Variants in NYAP2 observed in about 807,000 individuals in gnomAD.
The protein encoded by NYAP2 is neuronal tyrosine-phosphorylated phosphoinositide-3-kinase adaptor 2, also known as neuronal tyrosine-phosphorylated phosphoinositide-3-kinase adapter 2.
In NYAP2, 23 loss-of-function variants were observed where a neutral mutation model predicts 50.4. That is an observed-to-expected ratio of 0.46 (90% CI 0.33 to 0.65). The LOEUF is 0.65. Ranked by LOEUF, NYAP2 falls within the 30% of genes least tolerant of loss-of-function variation. NYAP2 has a pLI of 0.02. For missense variants in NYAP2, 885 were observed against 861.0 expected (o/e 1.03, Z -0.35); for synonymous variants, 394 against 365.2 (o/e 1.08, Z -0.90).
At chr2:225,552,696 G>T (rs1691699433) in intron 4 of NYAP2, among the ~76,000 whole-genome samples, 1 of 152,088 alleles carries the variant, frequency 6.6e-6, no homozygotes, top group Non-Finnish European at 1.5e-5. Flanking sequence ...TTGTTTGTTT[G>T]TTTTTGTTTT....
intron 3 of NYAP2, among the ~76,000 whole-genome samples, chr2:225,471,102 C>T (rs1690007011): frequency 6.6e-6 from 1 of 152,310 alleles, no homozygotes; most frequent in South Asian, 2.1e-4. Flanking sequence ...AGACAAACCT[C>T]CATTGTTTGT....
chr2:225,606,839 T>C (rs1476173732), intron 5 of NYAP2, among the ~76,000 whole-genome samples: 1 of 152,144 alleles, frequency 6.6e-6, no homozygotes, highest in Non-Finnish European at 1.5e-5. Context: ...CTTTATTCTG[T>C]ATATAACATT....
At chr2:225,497,269 C>T (rs1462280806) in intron 3 of NYAP2, among the ~76,000 whole-genome samples, 1 of 152,196 alleles carries the variant, frequency 6.6e-6, no homozygotes, top group Non-Finnish European at 1.5e-5. Context: ...CATTTGGGTA[C>T]ATTAAGCAGA....
In NYAP2 at chr2:225,643,444, T is replaced by A. The variant is rs180837555; in HGVS notation, c.1829-7988T>A. ...TCGGCTCCCTTATAATCTTTTTTTT[T>A]AATTTTATTATTATTATACTTTAAG... On this transcript the variant is annotated intron_variant, in intron 6 of 6. Coordinates refer to ENST00000636099, the Ensembl canonical transcript of NYAP2. 6.3e-4 allele frequency among the ~76,000 whole-genome samples: 96 copies of A among 152,254 alleles called. 1 individual carries two copies. The highest frequency in any genetic ancestry group is 1.9e-3 in the South Asian group (9 of 4,826).
chr2:225,624,767 T>A (rs564783845), intron 5 of NYAP2, among the ~76,000 whole-genome samples: 1 of 152,254 alleles, frequency 6.6e-6, no homozygotes, highest in South Asian at 2.1e-4. Context: ...TATTTTAAAC[T>A]GTAGAATATT....
intron 5 of NYAP2, among the ~76,000 whole-genome samples, chr2:225,600,374 G>T (rs1692672979): frequency 6.6e-6 from 1 of 152,110 alleles, no homozygotes; most frequent in Non-Finnish European, 1.5e-5. Context: ...ATTTGGGAAG[G>T]GTCAGAATCT....
intron 3 of NYAP2, among the ~76,000 whole-genome samples, chr2:225,465,992 C>T (rs1232664044): frequency 6.6e-6 from 1 of 152,128 alleles, no homozygotes; most frequent in Non-Finnish European, 1.5e-5. Flanking sequence ...TATTAAGGCT[C>T]ACCTACAATT....
intron 5 of NYAP2, among the ~76,000 whole-genome samples, chr2:225,603,894 A>G (rs1413512996): frequency 2.6e-5 from 4 of 152,186 alleles, no homozygotes; most frequent in African/African-American, 9.7e-5. Flanking sequence ...ATCCAAAACA[A>G]TGGATATTGA....
At chr2:225,640,474 G>C (rs1212081064) in intron 6 of NYAP2, among the ~76,000 whole-genome samples, 1 of 152,178 alleles carries the variant, frequency 6.6e-6, no homozygotes, top group East Asian at 1.9e-4. Flanking sequence ...ATTTATATCT[G>C]TGATCTCAGT....
the NYAP2 span, among the ~76,000 whole-genome samples, chr2:225,673,228 T>C: frequency 6.6e-6 from 1 of 152,006 alleles, no homozygotes; most frequent in Admixed American, 6.6e-5. Flanking sequence ...CCTGCCCCCA[T>C]GCTTCAATTA....
the NYAP2 span, among the ~76,000 whole-genome samples, chr2:225,691,814 T>G: frequency 6.6e-6 from 1 of 152,110 alleles, no homozygotes; most frequent in East Asian, 1.9e-4. Context: ...CTGGAGAAAC[T>G]TCCCTTAAAG....
At chr2:225,414,759 A>G (rs931916774) in intron 3 of NYAP2, among the ~76,000 whole-genome samples, 64 of 152,254 alleles carry the variant, frequency 4.2e-4, no homozygotes, top group African/African-American at 1.5e-3. Flanking sequence ...CGGGCAATCC[A>G]AAGATCATCT....
At chr2:225,545,789 T>A (rs958385331) in intron 4 of NYAP2, among the ~76,000 whole-genome samples, 1 of 152,292 alleles carries the variant, frequency 6.6e-6, no homozygotes, top group South Asian at 2.1e-4. Context: ...GTTATGTATT[T>A]ATTGTAGTCT....
intron 3 of NYAP2, among the ~76,000 whole-genome samples, chr2:225,476,329 C>T (rs1690105953): frequency 6.6e-6 from 1 of 151,248 alleles, no homozygotes; most frequent in Non-Finnish European, 1.5e-5. Flanking sequence ...AGGAGAACGG[C>T]GTGAACCCGG....
intron 4 of NYAP2, among the ~76,000 whole-genome samples, chr2:225,578,573 G>A (rs756597662): frequency 6.6e-6 from 1 of 152,196 alleles, no homozygotes; most frequent in Non-Finnish European, 1.5e-5. Flanking sequence ...AGCAGGACAA[G>A]CCATGTGGTG....
rs73090851 is a variant in NYAP2, at chr2:225,619,332, G to C, written c.1619-7585G>C. Reference sequence around the variant, plus strand: ...TAGAAGAAGAGCAAGTTCAGAGAGAGAATAGTGCTGCCAGTTTTAAGAGCT... The same window carrying C: ...TAGAAGAAGAGCAAGTTCAGAGAGACAATAGTGCTGCCAGTTTTAAGAGCT... On this transcript the variant is annotated intron_variant, in intron 5 of 6. Transcript: ENST00000636099. 8.4e-3 allele frequency among the ~76,000 whole-genome samples: 1,279 copies of C among 152,326 alleles called. 28 individuals are homozygous for C. The highest frequency in any genetic ancestry group is 0.03 in the African/African-American group (1,228 of 41,574).
chr2:225,464,113 T>G (rs1040684644), intron 3 of NYAP2, among the ~76,000 whole-genome samples: 1 of 152,190 alleles, frequency 6.6e-6, no homozygotes, highest in African/African-American at 2.4e-5. Context: ...TCTTCCTAGC[T>G]GCTAGGTGTG....
intron 4 of NYAP2, among the ~76,000 whole-genome samples, chr2:225,523,258 T>C (rs1296068657): frequency 1.3e-5 from 2 of 151,272 alleles, no homozygotes; most frequent in Non-Finnish European, 2.9e-5. Flanking sequence ...GGCATCCAAA[T>C]TGGAAAAGAG....
chr2:225,667,639 T>G, the NYAP2 span, among the ~76,000 whole-genome samples: 1 of 152,178 alleles, frequency 6.6e-6, no homozygotes, highest in Non-Finnish European at 1.5e-5. Context: ...ATCATCTCAC[T>G]TAAGCCTCAG....
Sources: gnomAD v4.1 joint callset for allele counts (sites outside exome capture counted in the v4.1 genomes callset) on GRCh38, gnomAD v4.1.1 for gene constraint, MANE v1.5 for transcripts, NCBI Gene and HGNC (gene_info 2026-07-23, HGNC 2026-07-21) for gene names.